Variants in UNC13C observed in about 807,000 individuals in gnomAD.
UNC13C encodes the protein protein unc-13 homolog C.
Under a neutral mutation model 245.4 loss-of-function variants are expected in UNC13C, and 174 were observed. That is an observed-to-expected ratio of 0.71 (90% CI 0.63 to 0.80). UNC13C has a LOEUF of 0.80. UNC13C is among the 30% of genes least tolerant of loss of function. The probability of loss-of-function intolerance (pLI) is 0.00; values close to 1 mark genes in which losing one functional copy is unlikely to be tolerated. For missense variants in UNC13C, 2,829 were observed against 2,602.9 expected (o/e 1.09, Z -1.89); for synonymous variants, 992 against 895.1 (o/e 1.11, Z -1.93).
At chr15:54,218,433 G>A (rs545365373) in intron 4 of UNC13C, among the ~76,000 whole-genome samples, 2 of 152,040 alleles carry the variant, frequency 1.3e-5, no homozygotes, top group South Asian at 4.2e-4. Flanking sequence ...GTAGGTGTTA[G>A]CATTTGCTAC....
At chr15:54,271,119 C>T (rs900934722) in intron 10 of UNC13C, among the ~76,000 whole-genome samples, 3 of 151,932 alleles carry the variant, frequency 2.0e-5, no homozygotes, top group African/African-American at 7.3e-5. Context: ...CTTTAAAATA[C>T]TATAGATGTT....
At chr15:53,970,558 C>T in the UNC13C span, among the ~76,000 whole-genome samples, 1 of 152,124 alleles carries the variant, frequency 6.6e-6, no homozygotes, top group Non-Finnish European at 1.5e-5. Context: ...AAGCCATTAT[C>T]CTCCACAAAC....
chr15:54,185,045 T>C (rs953282443), intron 4 of UNC13C, among the ~76,000 whole-genome samples: 1 of 152,246 alleles, frequency 6.6e-6, no homozygotes, highest in Non-Finnish European at 1.5e-5. Context: ...TTCATGTGTT[T>C]TTTGGTGGCA....
intron 1 of UNC13C, among the ~76,000 whole-genome samples, chr15:53,984,368 G>A (rs1179258263): frequency 6.6e-6 from 1 of 152,014 alleles, no homozygotes; most frequent in Non-Finnish European, 1.5e-5. Flanking sequence ...ATTTACTAAT[G>A]CATCATACAC....
At chr15:54,321,393 T>G in intron 13 of UNC13C, 1 of 494,388 alleles carries the variant, frequency 2.0e-6, no homozygotes, top group East Asian at 5.4e-5. Context: ...ACCTGGTCTT[T>G]GAGAATCTTC....
chr15:54,133,762 A>G (rs1198351124), intron 2 of UNC13C, among the ~76,000 whole-genome samples: 2 of 152,034 alleles, frequency 1.3e-5, no homozygotes, highest in Non-Finnish European at 2.9e-5. Context: ...ATGTGTGTGT[A>G]TTTACTATAT....
intron 18 of UNC13C, among the ~76,000 whole-genome samples, chr15:54,414,603 C>T (rs1375564004): frequency 2.0e-5 from 3 of 151,912 alleles, no homozygotes; most frequent in Admixed American, 6.6e-5. Flanking sequence ...GCCAAAATGG[C>T]ACCATTGCAC....
In UNC13C at chr15:54,143,020, A is replaced by G. The variant is rs551918573; in HGVS notation, c.2986A>G (p.Ser996Gly). 8 of 1,611,904 alleles carry G rather than the reference A, an allele frequency of 5.0e-6. No individual in the cohort carries two copies. The South Asian group carries it at 6.6e-5, about 13-fold the overall frequency. Reference protein sequence around the residue: ...ELEEKILAGDSSSVDEKARIV... With the variant: ...ELEEKILAGDGSSVDEKARIV... ...TTCTTTTCCTGATTCTCTTTCAGATAGCAGTTCTGTGGATGAAAAGGTTTT... is the reference window on the plus strand; with the variant it reads ...TTCTTTTCCTGATTCTCTTTCAGATGGCAGTTCTGTGGATGAAAAGGTTTT... Residue 996 changes from serine to glycine, a missense_variant and splice_region_variant, in exon 3 of 33, where the codon AGC becomes GGC. Coordinates refer to ENST00000260323, the MANE Select transcript of UNC13C (RefSeq NM_001080534.3).
At chr15:54,164,170 T>C (rs1252836546) in intron 4 of UNC13C, among the ~76,000 whole-genome samples, 1 of 152,150 alleles carries the variant, frequency 6.6e-6, no homozygotes, top group Non-Finnish European at 1.5e-5. Flanking sequence ...AAAGGAGAGC[T>C]AGCTAGCTAA....
chr15:54,033,039 G>T (rs191964423), intron 2 of UNC13C, among the ~76,000 whole-genome samples: 6 of 152,064 alleles, frequency 3.9e-5, no homozygotes, highest in Non-Finnish European at 8.8e-5. Flanking sequence ...TTCAGTGTAT[G>T]CTGCTTGGGT....
chr15:54,397,279 A>G (rs1331266886), intron 18 of UNC13C, among the ~76,000 whole-genome samples: 1 of 151,360 alleles, frequency 6.6e-6, no homozygotes, highest in East Asian at 1.9e-4. Context: ...CTTGTTGAAA[A>G]TTATTCTTTC....
intron 2 of UNC13C, among the ~76,000 whole-genome samples, chr15:54,069,475 T>C (rs935573472): frequency 4.6e-5 from 7 of 152,214 alleles, no homozygotes; most frequent in South Asian, 4.1e-4. Flanking sequence ...AAGTTTGTTA[T>C]GTCTGCATAA....
At chr15:54,281,672 A>G (rs2037001157) in intron 10 of UNC13C, among the ~76,000 whole-genome samples, 2 of 152,324 alleles carry the variant, frequency 1.3e-5, no homozygotes, top group Middle Eastern at 3.4e-3. Context: ...TTGCTTATGT[A>G]TCTATACACT....
intron 4 of UNC13C, among the ~76,000 whole-genome samples, chr15:54,228,093 C>T (rs1026087566): frequency 1.3e-5 from 2 of 152,172 alleles, no homozygotes; most frequent in Non-Finnish European, 1.5e-5. Context: ...TTTCCATCTC[C>T]TTTCCATATA....
At chr15:53,925,579 C>T in the UNC13C span, among the ~76,000 whole-genome samples, 5,710 of 152,212 alleles carry the variant, frequency 0.038, 371 homozygotes, top group African/African-American at 0.13. Context: ...TGTTAAATTC[C>T]GGCTTTTCTT....
chr15:54,442,589 G>A (rs1031483434), intron 19 of UNC13C, among the ~76,000 whole-genome samples: 1 of 151,968 alleles, frequency 6.6e-6, no homozygotes, highest in African/African-American at 2.4e-5. Flanking sequence ...GGTTTGTCAT[G>A]TATAGTCCTT....
rs56255946 is a variant in UNC13C, at chr15:54,138,953, A to ATTTTTTTTTTTTTTTTTTTTTTTTT, written c.2984-4064_2984-4040dup. Among the ~76,000 whole-genome samples the ATTTTTTTTTTTTTTTTTTTTTTTTT allele has an allele frequency of 1.3e-3, 64 of 48,634 alleles. 22 individuals carry two copies. Among genetic ancestry groups the ATTTTTTTTTTTTTTTTTTTTTTTTT allele is most frequent in the East Asian group, 4.7e-3 (6 of 1,278 alleles). 31.9% of individuals were successfully genotyped at this position (48,634 alleles called of 152,430 possible). On this transcript the variant is annotated intron_variant, in intron 2 of 32. Transcript: ENST00000260323. The stretch of plus-strand genomic sequence containing the variant: ...TGCATATATCTCCAAATTTCCCCTA[A>ATTTTTTTTTTTTTTTTTTTTTTTTT]TTTTTTTTTTTTTTTTTTTTTTTTT...
At chr15:54,082,723 A>G (rs911329522) in intron 2 of UNC13C, among the ~76,000 whole-genome samples, 4 of 152,028 alleles carry the variant, frequency 2.6e-5, no homozygotes, top group African/African-American at 7.2e-5. Flanking sequence ...TGAGTTTTCT[A>G]TCATTTTGAT....
intron 2 of UNC13C, among the ~76,000 whole-genome samples, chr15:54,043,896 A>C (rs1272562727): frequency 1.3e-5 from 2 of 152,226 alleles, no homozygotes; most frequent in Admixed American, 6.5e-5. Context: ...ATTTCAGAAT[A>C]AGTTTTTCCT....
Sources: gnomAD v4.1 joint callset for allele counts (sites outside exome capture counted in the v4.1 genomes callset) on GRCh38, gnomAD v4.1.1 for gene constraint, MANE v1.5 for transcripts, NCBI Gene and HGNC (gene_info 2026-07-23, HGNC 2026-07-21) for gene names.